The following ASS1 variants were observed in gnomAD, a reference collection of about 807,000 sequenced individuals.
ASS1 encodes argininosuccinate synthase.
In ASS1, 58 loss-of-function variants were observed where a neutral mutation model predicts 60.5. That is an observed-to-expected ratio of 0.96 (90% CI 0.78 to 1.19). The LOEUF is 1.19. ASS1 is among the 50% of genes most tolerant of loss of function. ASS1 has a pLI of 0.00. For synonymous variants in ASS1, 200 were observed against 206.9 expected (o/e 0.97, Z 0.29); for missense variants, 454 against 547.3 (o/e 0.83, Z 1.70).
chr9:130,498,419 AGT>A (rs1362499492), intron 13 of ASS1, among the ~76,000 whole-genome samples: 8 of 152,306 alleles, frequency 5.3e-5, no homozygotes, highest in Non-Finnish European at 8.8e-5. Context: ...ACGTGCCCTA[AGT>A]GCTTAGCACA....
intron 1 of ASS1, chr9:130,451,880 A>G (rs778337600): frequency 4.0e-6 from 2 of 498,642 alleles, no homozygotes; most frequent in African/African-American, 1.9e-5. Flanking sequence ...GCCTGCGTGC[A>G]TTCCTCACAT....
At chr9:130,458,797 T>C (rs1343558059) in intron 4 of ASS1, among the ~76,000 whole-genome samples, 1 of 152,202 alleles carries the variant, frequency 6.6e-6, no homozygotes, top group African/African-American at 2.4e-5. Context: ...CCATTCTGAG[T>C]CCTCACCTCC....
At position 130,477,672 on chromosome 9, in the gene ASS1, A is replaced by G. The variant is rs571118450; in HGVS notation, c.688+711A>G. Among the ~76,000 whole-genome samples, 1 of 152,312 alleles carries G rather than the reference A, an allele frequency of 6.6e-6. No homozygotes were observed. The highest frequency in any genetic ancestry group is 6.5e-5 in the Admixed American group (1 of 15,312). ...AAGCGAGGCATGCCCGCCTGGGCTC[A>G]GAGGGAGGGCTCAGAGGGCGGGCTC... On this transcript the variant is annotated intron_variant, in intron 9 of 14. Coordinates refer to ENST00000352480, the MANE Select transcript of ASS1 (RefSeq NM_054012.4). This position sits in a 1 kb window ranked among gnomAD's most constrained non-coding sequence, Gnocchi z 4.2.
rs1316996192 is a variant in ASS1, at chr9:130,459,127, T to TGTTCTGCCTCATG, written c.363+545_363+557dup. Among the ~76,000 whole-genome samples the TGTTCTGCCTCATG allele has an allele frequency of 6.6e-6, 1 of 152,152 alleles. No homozygotes were observed. The highest frequency in any genetic ancestry group is 2.4e-5 in the African/African-American group (1 of 41,442). On this transcript the variant is annotated intron_variant, in intron 4 of 14. Coordinates refer to ENST00000352480, the MANE Select transcript of ASS1 (RefSeq NM_054012.4). The surrounding 1 kb of genome is among the most constrained non-coding windows in gnomAD (Gnocchi z 4.6). ...AAACTGGTGGCTTAGAACACAGAAC[T>TGTTCTGCCTCATG]GTTCTGCCTCATGGTTCTGGAGGCC...
At chr9:130,473,743 C>T (rs1247850012) in intron 8 of ASS1, among the ~76,000 whole-genome samples, 1 of 152,172 alleles carries the variant, frequency 6.6e-6, no homozygotes, top group African/African-American at 2.4e-5. Flanking sequence ...AGGCAGATGG[C>T]TGAGCCATTT....
intron 11 of ASS1, among the ~76,000 whole-genome samples, chr9:130,485,812 T>C (rs576675568): frequency 6.6e-6 from 1 of 152,218 alleles, no homozygotes; most frequent in East Asian, 1.9e-4. Flanking sequence ...TTTCTGGTAA[T>C]AAGGTTTCTA....
chr9:130,446,773 CTCA>C (rs1845205876), intron 1 of ASS1, among the ~76,000 whole-genome samples: 1 of 152,230 alleles, frequency 6.6e-6, no homozygotes, highest in Admixed American at 6.5e-5. Flanking sequence ...AACCAGATGC[CTCA>C]TCTGAGCACT....
chr9:130,458,495 G>A lies in ASS1; in HGVS notation c.269G>A (p.Gly90Asp), dbSNP rs1422867920. The change falls in exon 4 of 15, where the codon GGC becomes GAC. Residue 90 changes from glycine to aspartate, a missense_variant. Coordinates refer to ENST00000352480, the MANE Select transcript of ASS1 (RefSeq NM_054012.4). ...SALYEDRYLL[G>D]TSLARPCIAR... ...CTGTATGAGGACCGCTACCTCCTGG[G>A]CACCTCTCTTGCCAGGCCCTGCATC... 6 of 1,612,666 alleles carry A rather than the reference G, an allele frequency of 3.7e-6. No individual in the cohort carries two copies. In the South Asian group the frequency reaches 4.4e-5, roughly 12 times the overall value.
At chr9:130,490,117 G>A (rs1489495470) in intron 12 of ASS1, among the ~76,000 whole-genome samples, 3 of 152,210 alleles carry the variant, frequency 2.0e-5, no homozygotes, top group African/African-American at 4.8e-5. Context: ...CACCTGAGGC[G>A]GGGGTGTCCC....
chr9:130,455,804 C>G (rs533885462), intron 3 of ASS1, among the ~76,000 whole-genome samples: 2 of 152,352 alleles, frequency 1.3e-5, no homozygotes, highest in South Asian at 4.1e-4. Flanking sequence ...GAGCTGATCC[C>G]CTCTGTGGGG....
chr9:130,488,240 G>A lies in ASS1; in HGVS notation c.839-1093G>A, dbSNP rs1388024137. Reference sequence around the variant, plus strand: ...TTTCAAGCAGCCACTGTAGAAAGATGTTAGTAAATTCCCAGGATAACTGAG... The same window carrying A: ...TTTCAAGCAGCCACTGTAGAAAGATATTAGTAAATTCCCAGGATAACTGAG... On this transcript the variant is annotated intron_variant, in intron 11 of 14. Transcript: ENST00000352480. This position sits in a 1 kb window ranked among gnomAD's most constrained non-coding sequence, Gnocchi z 5.2. Among the ~76,000 whole-genome samples, 1 of 151,900 alleles carries A rather than the reference G, an allele frequency of 6.6e-6. No individual in the cohort carries two copies. The highest frequency in any genetic ancestry group is 1.5e-5 in the Non-Finnish European group (1 of 67,968).
chr9:130,485,422 C>T (rs1311903575), intron 11 of ASS1, among the ~76,000 whole-genome samples: 1 of 149,328 alleles, frequency 6.7e-6, no homozygotes, highest in Non-Finnish European at 1.5e-5. Context: ...AAGCTGGGCA[C>T]CTTCTGTAAA....
Position 130,489,552 on chromosome 9 carries a change from C to T in ASS1, c.970+88C>T, listed in dbSNP as rs575961057. On this transcript the variant is annotated intron_variant, in intron 12 of 14. Coordinates refer to ENST00000352480, the MANE Select transcript of ASS1 (RefSeq NM_054012.4). This position sits in a 1 kb window ranked among gnomAD's most constrained non-coding sequence, Gnocchi z 4.1. ...GGCTCTCGGGCCTGGCCCTCCCCTCCGTATCAGCACCTTCCTCCCCTGCCG... is the reference window on the plus strand; with the variant it reads ...GGCTCTCGGGCCTGGCCCTCCCCTCTGTATCAGCACCTTCCTCCCCTGCCG... 857 of 1,593,354 alleles carry T rather than the reference C, an allele frequency of 5.4e-4. No homozygotes were observed. Among genetic ancestry groups the T allele is most frequent in the Middle Eastern group, 6.6e-4 (4 of 6,018 alleles).
At position 130,458,382 on chromosome 9, in the gene ASS1, T is replaced by C. The variant is rs1317239774; in HGVS notation, c.175-19T>C. 5 of 1,611,888 alleles carry C rather than the reference T, an allele frequency of 3.1e-6. No homozygotes were observed. The highest frequency in any genetic ancestry group is 4.2e-6 in the Non-Finnish European group (5 of 1,179,868). On this transcript the variant is annotated intron_variant, in intron 3 of 14. Coordinates refer to ENST00000352480, the MANE Select transcript of ASS1 (RefSeq NM_054012.4). ...CCTGTCCTTGCCTACTTCTTCCTTC[T>C]GGGCTCCTCTTCCCGTAGGTGTTCA... is the stretch of plus-strand genomic sequence containing the variant.
rs977117704 is a variant in ASS1 at position 130,488,671 on chromosome 9, C to T, written c.839-662C>T. Among the ~76,000 whole-genome samples the T allele has an allele frequency of 6.6e-6, 1 of 152,212 alleles. No individual in the cohort carries two copies. The highest frequency in any genetic ancestry group is 2.4e-5 in the African/African-American group (1 of 41,450). ...CTGACCTTCCAGGGTTGGGCCTCCA[C>T]GGCCAGGTGACTTACAGGGCAGCAG... On this transcript the variant is annotated intron_variant, in intron 11 of 14. Transcript: ENST00000352480. This position sits in a 1 kb window ranked among gnomAD's most constrained non-coding sequence, Gnocchi z 5.2.
chr9:130,484,153 G>T (rs1018035831), intron 11 of ASS1, among the ~76,000 whole-genome samples: 4 of 152,118 alleles, frequency 2.6e-5, no homozygotes, highest in African/African-American at 4.8e-5. Flanking sequence ...TAAGAGGGGA[G>T]CCCTTGGGCT....
chr9:130,457,518 T>C (rs749540107), intron 3 of ASS1, among the ~76,000 whole-genome samples: 4 of 152,190 alleles, frequency 2.6e-5, no homozygotes, highest in Non-Finnish European at 4.4e-5. Context: ...TGAAAAGTCA[T>C]TGGGAACCCC....
At chr9:130,475,646 T>G (rs1845993536) in intron 8 of ASS1, among the ~76,000 whole-genome samples, 1 of 152,096 alleles carries the variant, frequency 6.6e-6, no homozygotes. Flanking sequence ...TTTCTTCATC[T>G]GTTGATGGGG....
chr9:130,448,416 G>GTGCA (rs1491364311), intron 1 of ASS1, among the ~76,000 whole-genome samples: 1 of 42,494 alleles, frequency 2.4e-5, no homozygotes, highest in Non-Finnish European at 5.6e-5. Context: ...ACAGGTGTGT[G>GTGCA]CGCGCGCACA....
Sources: gnomAD v4.1 joint callset for allele counts (sites outside exome capture counted in the v4.1 genomes callset) on GRCh38, gnomAD v4.1.1 for gene constraint, Gnocchi (gnomAD v3.1) non-coding constraint, MANE v1.5 for transcripts, NCBI Gene and HGNC (gene_info 2026-07-23, HGNC 2026-07-21) for gene names.